The following PARN variants were observed in gnomAD, a reference collection of about 807,000 sequenced individuals.
PARN encodes the protein poly(A)-specific ribonuclease PARN.
PARN carries 71 observed loss-of-function variants against 102.8 expected under a neutral mutation model. The observed-to-expected ratio is 0.69, with a 90% CI of 0.57 to 0.84. The LOEUF (loss-of-function observed/expected upper bound fraction) is 0.84, where lower values mean the gene tolerates loss of function less well. PARN is among the 40% of genes least tolerant of loss of function. PARN has a pLI of 0.00. For missense variants in PARN, 782 were observed against 760.9 expected (o/e 1.03, Z -0.33); for synonymous variants, 261 against 252.9 (o/e 1.03, Z -0.30).
intron 21 of PARN, among the ~76,000 whole-genome samples, chr16:14,530,535 A>G (rs1966266982): frequency 7.1e-6 from 1 of 141,584 alleles, no homozygotes; most frequent in Non-Finnish European, 1.5e-5. Flanking sequence ...CCTGAAAAAA[A>G]GGTTACATTA....
At chr16:14,540,386 C>A (rs1171249156) in intron 21 of PARN, among the ~76,000 whole-genome samples, 1 of 152,090 alleles carries the variant, frequency 6.6e-6, no homozygotes, top group Non-Finnish European at 1.5e-5. Context: ...AACAGTAACA[C>A]ACTGGCCAAC....
chr16:14,488,712 A>G (rs1963879778), intron 21 of PARN, among the ~76,000 whole-genome samples: 1 of 152,244 alleles, frequency 6.6e-6, no homozygotes, highest in Non-Finnish European at 1.5e-5. Context: ...AAAAACATTG[A>G]TAATACAACT....
chr16:14,545,939 A>G (rs1260805826), intron 21 of PARN, among the ~76,000 whole-genome samples: 1 of 152,246 alleles, frequency 6.6e-6, no homozygotes, highest in Non-Finnish European at 1.5e-5. Flanking sequence ...AGAAGAGCAA[A>G]GTAAACCCAA....
At chr16:14,604,760 T>C (rs756125000) in intron 10 of PARN, among the ~76,000 whole-genome samples, 1 of 150,968 alleles carries the variant, frequency 6.6e-6, no homozygotes, top group Non-Finnish European at 1.5e-5. Context: ...AGATTACAGG[T>C]GCGCACCAAT....
chr16:14,534,882 T>C (rs1455639991), intron 21 of PARN, among the ~76,000 whole-genome samples: 1 of 151,468 alleles, frequency 6.6e-6, no homozygotes, highest in Non-Finnish European at 1.5e-5. Context: ...TTGCCCAGGC[T>C]GGAGTGCAAT....
chr16:14,531,655 T>C (rs1234593749), intron 21 of PARN, among the ~76,000 whole-genome samples: 1 of 152,162 alleles, frequency 6.6e-6, no homozygotes, highest in Non-Finnish European at 1.5e-5. Context: ...TCCGTCAATT[T>C]CATCTACTTT....
Position 14,492,214 on chromosome 16 carries a change from G to T in PARN, c.1481-9387C>A, listed in dbSNP as rs1326938093. Among the ~76,000 whole-genome samples the T allele has an allele frequency of 3.3e-5, 5 of 152,338 alleles. 1 individual carries two copies. The East Asian group carries it at 9.6e-4, about 29-fold the overall frequency. On this transcript the variant is annotated intron_variant, in intron 21 of 23. Transcript: ENST00000437198. ...TGAAAGAGATCTGAGCCCCGTAAAG[G>T]GGACAGACAAAACTAGGGAAGATAG... is the stretch of plus-strand genomic sequence containing the variant.
chr16:14,620,557 T>G (rs1199247044), intron 5 of PARN, among the ~76,000 whole-genome samples: 2 of 152,224 alleles, frequency 1.3e-5, no homozygotes, highest in Non-Finnish European at 2.9e-5. Context: ...ATCATTTTCA[T>G]CTGGTCCCTT....
At chr16:14,523,813 A>G (rs1488654578) in intron 21 of PARN, among the ~76,000 whole-genome samples, 1 of 152,154 alleles carries the variant, frequency 6.6e-6, no homozygotes, top group African/African-American at 2.4e-5. Flanking sequence ...CAACCTAAGT[A>G]TAGTCACTTG....
intron 23 of PARN, among the ~76,000 whole-genome samples, chr16:14,443,944 T>C (rs1961074076): frequency 1.3e-5 from 2 of 152,264 alleles, no homozygotes; most frequent in African/African-American, 2.4e-5. Flanking sequence ...AGCACTCTAA[T>C]ACAGTTCCCG....
At chr16:14,568,360 C>T (rs1968563602) in intron 18 of PARN, among the ~76,000 whole-genome samples, 2 of 151,432 alleles carry the variant, frequency 1.3e-5, no homozygotes, top group African/African-American at 2.4e-5. Context: ...CTACAGGTAC[C>T]CGCCACCATG....
chr16:14,443,540 T>C (rs1223486010), intron 23 of PARN, among the ~76,000 whole-genome samples: 2 of 152,176 alleles, frequency 1.3e-5, no homozygotes, highest in Admixed American at 6.5e-5. Context: ...GGTTTCGCCA[T>C]GTTGGCCAGG....
chr16:14,496,022 G>C (rs1033122513), intron 21 of PARN, among the ~76,000 whole-genome samples: 3 of 152,200 alleles, frequency 2.0e-5, no homozygotes, highest in Admixed American at 6.5e-5. Flanking sequence ...CCCTGCCAGA[G>C]ATGTGACCTT....
chr16:14,494,024 T>C (rs371184955), intron 21 of PARN, among the ~76,000 whole-genome samples: 1 of 152,198 alleles, frequency 6.6e-6, no homozygotes, highest in African/African-American at 2.4e-5. Context: ...GGTCCGCCTA[T>C]ATGCAGATTA....
rs745395796 is a variant in PARN, at chr16:14,580,845, T to A, written c.1262+29A>T. 3.5e-6 allele frequency: 5 copies of A among 1,410,328 alleles called. No individual in the cohort carries two copies. In the South Asian group the frequency reaches 5.8e-5, roughly 16 times the overall value. The allele number at this position is 1,410,328 out of a possible 1,614,324, so 87.4% of individuals were successfully genotyped here. The stretch of plus-strand genomic sequence containing the variant: ...TGAGGCTGTTCCACAGTGAGAGAAC[T>A]TGGAAACTGGAACTCTCTGATTACT... On this transcript the variant is annotated intron_variant, in intron 18 of 23. Coordinates refer to ENST00000437198, the MANE Select transcript of PARN (RefSeq NM_002582.4).
intron 21 of PARN, among the ~76,000 whole-genome samples, chr16:14,549,606 T>C (rs1396478210): frequency 6.6e-6 from 1 of 152,228 alleles, no homozygotes; most frequent in Non-Finnish European, 1.5e-5. Flanking sequence ...TATGGTGGTA[T>C]AACAGGAATT....
intron 21 of PARN, among the ~76,000 whole-genome samples, chr16:14,510,500 T>C (rs1296630622): frequency 6.6e-6 from 1 of 152,118 alleles, no homozygotes; most frequent in Non-Finnish European, 1.5e-5. Flanking sequence ...TTTGTAAAAA[T>C]TTGTTTAATC....
At chr16:14,606,414 A>G in intron 10 of PARN, 70 bp downstream of exon 10, 1 of 871,720 alleles carries the variant, frequency 1.1e-6, no homozygotes, top group Non-Finnish European at 1.7e-6. Flanking sequence ...AAAAAGAAAA[A>G]AAAAAGAAAC....
chr16:14,608,917 G>A lies in PARN; in HGVS notation c.620+141C>T, dbSNP rs1108728. The A allele has an allele frequency of 4.3e-4, 268 of 622,692 alleles. No individual in the cohort carries two copies. In the East Asian group the frequency reaches 7.4e-3, roughly 17 times the overall value. 38.6% of individuals were successfully genotyped at this position (622,692 alleles called of 1,614,324 possible). On this transcript the variant is annotated intron_variant, in intron 8 of 23. Transcript: ENST00000437198. ...GTCATCCCCACTGTGTAACGCTAAA[G>A]TTAGTGTTTAATTCTTGAGAACATA...
Sources: gnomAD v4.1 joint callset for allele counts (sites outside exome capture counted in the v4.1 genomes callset) on GRCh38, gnomAD v4.1.1 for gene constraint, MANE v1.5 for transcripts, NCBI Gene and HGNC (gene_info 2026-07-23, HGNC 2026-07-21) for gene names.